THSD7B: variants seen among roughly 807,000 people sequenced by gnomAD.
THSD7B encodes thrombospondin type-1 domain-containing protein 7B.
A neutral mutation model predicts 213.6 loss-of-function variants in THSD7B; 138 were observed. That is an observed-to-expected ratio of 0.65 (90% CI 0.56 to 0.74). The LOEUF (loss-of-function observed/expected upper bound fraction) is 0.74, where lower values mean the gene tolerates loss of function less well. Among genes scored for constraint, THSD7B ranks in the 30% least tolerant of loss-of-function variants. The pLI is 0.00. For synonymous variants in THSD7B, 742 were observed against 687.0 expected, an observed-to-expected ratio of 1.08 and a Z score of -1.25; for missense variants, 1,931 against 1,991.5, an observed-to-expected ratio of 0.97 and a Z score of 0.58.
At chr2:137,368,705 T>A (rs1463302938) in intron 12 of THSD7B, among the ~76,000 whole-genome samples, 1 of 152,192 alleles carries the variant, frequency 6.6e-6, no homozygotes. Flanking sequence ...GGAAAATAAC[T>A]TGAAAAGGAA....
At chr2:137,245,593 C>G (rs1682011187) in intron 10 of THSD7B, among the ~76,000 whole-genome samples, 1 of 152,166 alleles carries the variant, frequency 6.6e-6, no homozygotes, top group Non-Finnish European at 1.5e-5. Context: ...TATTCATCCC[C>G]TTAAATTATC....
chr2:137,407,965 G>A (rs761831443), intron 13 of THSD7B, among the ~76,000 whole-genome samples: 53 of 150,980 alleles, frequency 3.5e-4, no homozygotes, highest in Non-Finnish European at 5.5e-4. Flanking sequence ...ATAATAACTA[G>A]ATAACTACTA....
chr2:137,428,210 T>G (rs1016269976), intron 14 of THSD7B, among the ~76,000 whole-genome samples: 2 of 152,082 alleles, frequency 1.3e-5, no homozygotes, highest in Non-Finnish European at 2.9e-5. Flanking sequence ...GAAAAGATAC[T>G]CAACATCATG....
intron 3 of THSD7B, among the ~76,000 whole-genome samples, chr2:137,073,973 T>A (rs1427381598): frequency 3.9e-5 from 6 of 152,180 alleles, no homozygotes; most frequent in Non-Finnish European, 8.8e-5. Flanking sequence ...TTTCTGTTCT[T>A]TTACATTTGC....
chr2:136,998,916 AC>A (rs776068784), intron 2 of THSD7B, among the ~76,000 whole-genome samples: 9,760 of 85,708 alleles, frequency 0.11, 563 homozygotes, highest in East Asian at 0.35. Context: ...ACAGACACAC[AC>A]ACACACACAC....
At chr2:137,295,855 T>C (rs1683450485) in intron 12 of THSD7B, among the ~76,000 whole-genome samples, 1 of 152,182 alleles carries the variant, frequency 6.6e-6, no homozygotes, top group African/African-American at 2.4e-5. Context: ...TTTGTTTTCA[T>C]TCATATCTGG....
At chr2:137,364,674 A>G (rs780291122) in intron 12 of THSD7B, among the ~76,000 whole-genome samples, 1 of 152,218 alleles carries the variant, frequency 6.6e-6, no homozygotes, top group Non-Finnish European at 1.5e-5. Context: ...CTAGGAATTC[A>G]ACTTACAAGG....
chr2:137,017,017 T>C (rs1251978629), intron 2 of THSD7B, among the ~76,000 whole-genome samples: 1 of 152,158 alleles, frequency 6.6e-6, no homozygotes, highest in Non-Finnish European at 1.5e-5. Flanking sequence ...TAAATAGGAA[T>C]TTACCCTGAA....
intron 7 of THSD7B, among the ~76,000 whole-genome samples, chr2:137,218,842 G>C (rs760461661): frequency 1.5e-4 from 23 of 151,930 alleles, no homozygotes; most frequent in Non-Finnish European, 8.8e-5. Context: ...TTTTACTAAA[G>C]ACTGAACTAA....
chr2:137,393,912 T>G (rs560649512), intron 12 of THSD7B, among the ~76,000 whole-genome samples: 2,199 of 140,386 alleles, frequency 0.016, 316 homozygotes, highest in African/African-American at 0.054. Context: ...TGATGGCCAG[T>G]GATGATGAGC....
intron 17 of THSD7B, among the ~76,000 whole-genome samples, chr2:137,598,512 G>C (rs200750303): frequency 6.6e-6 from 1 of 152,096 alleles, no homozygotes; most frequent in Admixed American, 6.5e-5. Context: ...ACACTGGCTT[G>C]TACAGTAAGT....
intron 7 of THSD7B, among the ~76,000 whole-genome samples, chr2:137,211,982 G>A (rs781288466): frequency 1.3e-5 from 2 of 151,930 alleles, no homozygotes; most frequent in Non-Finnish European, 2.9e-5. Flanking sequence ...CCATGCTGGA[G>A]CTAAATAAAC....
At chr2:137,667,893 C>T (rs757867457) in intron 27 of THSD7B, 32 bp downstream of exon 27, 68 of 1,504,554 alleles carry the variant, frequency 4.5e-5, no homozygotes, top group South Asian at 7.4e-5. Flanking sequence ...GTTTATGTTC[C>T]GTATTTTTAT....
intron 2 of THSD7B, among the ~76,000 whole-genome samples, chr2:136,898,869 C>G (rs764673985): frequency 3.3e-5 from 5 of 151,740 alleles, no homozygotes; most frequent in African/African-American, 4.8e-5. Context: ...TCTTGATCTC[C>G]TGACCTCGTG....
At chr2:137,273,209 AT>A (rs1350659434) in intron 11 of THSD7B, among the ~76,000 whole-genome samples, 1 of 152,116 alleles carries the variant, frequency 6.6e-6, no homozygotes, top group Non-Finnish European at 1.5e-5. Context: ...TTCAGAAACC[AT>A]CCAATTAGAA....
At chr2:137,301,623 A>G (rs545781188) in intron 12 of THSD7B, among the ~76,000 whole-genome samples, 10 of 151,978 alleles carry the variant, frequency 6.6e-5, no homozygotes, top group African/African-American at 2.4e-4. Context: ...AATTTAATAT[A>G]TTATGTTGAT....
chr2:137,403,639 C>T (rs1686429360), intron 12 of THSD7B, among the ~76,000 whole-genome samples: 2 of 152,200 alleles, frequency 1.3e-5, no homozygotes, highest in African/African-American at 2.4e-5. Flanking sequence ...TTATGTGAGC[C>T]ATTTAAACAC....
intron 3 of THSD7B, among the ~76,000 whole-genome samples, chr2:137,061,136 T>C (rs1687261416): frequency 6.6e-6 from 1 of 151,908 alleles, no homozygotes; most frequent in Non-Finnish European, 1.5e-5. Flanking sequence ...TAATTTCATA[T>C]TGCAATTGTG....
At chr2:137,076,952 T>A (rs1687638600) in intron 3 of THSD7B, among the ~76,000 whole-genome samples, 1 of 151,024 alleles carries the variant, frequency 6.6e-6, no homozygotes. Context: ...ATTAGGTATA[T>A]CTCCTAATGC....
Sources: allele counts gnomAD v4.1 joint callset (sites outside exome capture counted in the v4.1 genomes callset), GRCh38; gene constraint gnomAD v4.1.1; transcripts MANE v1.5; gene names NCBI Gene and HGNC (gene_info 2026-07-23, HGNC 2026-07-21).